The following DSP variants were observed in gnomAD, a reference collection of about 807,000 sequenced individuals.
DSP encodes the protein 250/210 kDa paraneoplastic pemphigus antigen.
DSP carries 114 observed loss-of-function variants against 290.6 expected under a neutral mutation model. That is an observed-to-expected ratio of 0.39 (90% CI 0.34 to 0.46). The LOEUF is 0.46. Among genes scored for constraint, DSP ranks in the 20% least tolerant of loss-of-function variants. DSP has a pLI of 0.99. For missense variants in DSP, 3,230 were observed against 3,495.8 expected (o/e 0.92, Z 1.92); for synonymous variants, 1,311 against 1,316.4 (o/e 1.00, Z 0.09).
chr6:7,566,529 C>A, intron 8 of DSP, 48 bp downstream of exon 8: 1 of 1,472,068 alleles, frequency 6.8e-7, no homozygotes, highest in Non-Finnish European at 9.4e-7. Context: ...AAAAACTTTT[C>A]ATAAAGTAAG....
intron 20 of DSP, among the ~76,000 whole-genome samples, chr6:7,577,323 G>A (rs1759269988): frequency 7.6e-6 from 1 of 131,370 alleles, no homozygotes; most frequent in Admixed American, 7.8e-5. Flanking sequence ...TAATAATGGT[G>A]TTTGTTTGTT....
In DSP at chr6:7,581,444, C is replaced by A; in HGVS notation, c.5254C>A (p.Leu1752Ile). The A allele has an allele frequency of 6.2e-7, 1 of 1,612,808 alleles. No homozygotes were observed. Among genetic ancestry groups the A allele is most frequent in the Non-Finnish European group, 8.5e-7 (1 of 1,179,484 alleles). The part of the protein sequence containing the change: ...DSDKNATILE[L>I]RSQLQISNNR... Reference sequence around the variant, plus strand: ...TGATAAAAATGCAACCATCTTGGAACTAAGGAGCCAGCTGCAGATCAGCAA... The same window carrying A: ...TGATAAAAATGCAACCATCTTGGAAATAAGGAGCCAGCTGCAGATCAGCAA... Residue 1752 changes from leucine (L) to isoleucine (I), a missense_variant, in exon 23 of 24, where the codon CTA becomes ATA. Physicochemically the swap from Leu to Ile is conservative, Grantham distance 5 (BLOSUM62 2). Coordinates refer to ENST00000379802, the MANE Select transcript of DSP (RefSeq NM_004415.4).
chr6:7,543,727 A>G (rs1402051206), intron 1 of DSP, among the ~76,000 whole-genome samples: 1 of 152,152 alleles, frequency 6.6e-6, no homozygotes, highest in African/African-American at 2.4e-5. Context: ...TATTTTGATT[A>G]TTATTTATAA....
At chr6:7,559,797 T>TG (rs1758624596) in intron 4 of DSP, among the ~76,000 whole-genome samples, 1 of 152,206 alleles carries the variant, frequency 6.6e-6, no homozygotes, top group East Asian at 1.9e-4. Flanking sequence ...CATAGGTACT[T>TG]GAAAAAAAGC....
intron 1 of DSP, among the ~76,000 whole-genome samples, chr6:7,554,125 A>ACACACACACACACACACACACCCC (rs772041102): frequency 9.7e-5 from 14 of 144,504 alleles, no homozygotes; most frequent in African/African-American, 2.4e-4. Context: ...ACACACACAC[A>ACACACACACACACACACACACCCC]CCCAGTTGGT....
chr6:7,564,428 C>G (rs1334052642), intron 6 of DSP, among the ~76,000 whole-genome samples: 1 of 152,114 alleles, frequency 6.6e-6, no homozygotes, highest in African/African-American at 2.4e-5. Flanking sequence ...TAATGTCACT[C>G]GTGGTGACAC....
Position 7,570,450 on chromosome 6 carries a change from T to C in DSP, c.1588T>C (p.Tyr530His). Reference protein sequence around the residue: ...VDLSCKIEQYYEAILALWNQL... With the variant: ...VDLSCKIEQYHEAILALWNQL... ...TGTGCCTCTTAGGATTGAGCAGTAC[T>C]ACGAAGCCATCTTGGCTCTGTGGAA... is the stretch of plus-strand genomic sequence containing the variant. Residue 530 changes from tyrosine to histidine, a missense_variant, in exon 13 of 24, where the codon TAC becomes CAC. Physicochemically the swap from Tyr to His is moderately conservative, Grantham distance 83. Transcript: ENST00000379802. 6.2e-7 allele frequency: 1 copy of C among 1,614,160 alleles called. No individual in the cohort carries two copies. Among genetic ancestry groups the C allele is most frequent in the South Asian group, 1.1e-5 (1 of 91,074 alleles).
Position 7,576,331 on chromosome 6 carries a change from A to C in DSP, c.2668A>C (p.Asn890His). 1 of 1,614,116 alleles carries C rather than the reference A, an allele frequency of 6.2e-7. No individual in the cohort carries two copies. Among genetic ancestry groups the C allele is most frequent in the African/African-American group, 1.3e-5 (1 of 75,038 alleles). ...DLEKQIKQLR[N>H]YRDNYQAFCK... ...GGAGAAACAAATCAAGCAATTGAGG[A>C]ATTATCGTGATAACTATCAGGCTTT... Residue 890 changes from asparagine (N) to histidine (H), a missense_variant, in exon 19 of 24, where the codon AAT becomes CAT. By Grantham distance (68) the Asn-to-His change is moderately conservative. Transcript: ENST00000379802.
intron 4 of DSP, 60 bp downstream of exon 4, chr6:7,559,460 T>A (rs1167556749): frequency 2.1e-5 from 33 of 1,603,728 alleles, no homozygotes; most frequent in African/African-American, 5.4e-5. Context: ...CACGATGGGG[T>A]CAGCCCATGT....
In DSP at chr6:7,581,308, G is replaced by A. The variant is rs747132423; in HGVS notation, c.5118G>A (p.Leu1706=). Residue 1706 remains leucine, a synonymous_variant, in exon 23 of 24, where the codon CTG becomes CTA. Coordinates refer to ENST00000379802, the MANE Select transcript of DSP (RefSeq NM_004415.4). ...AAAGCAAAATAGAAATTGAGAGGCT[G>A]CAGTCTCTCACAGAGAACCTGACCA... ...LNESKIEIER[L]QSLTENLTKE... is the part of the protein sequence containing the mutation. 1.2e-6 allele frequency: 2 copies of A among 1,614,062 alleles called. No homozygotes were observed. The highest frequency in any genetic ancestry group is 4.5e-5 in the East Asian group (2 of 44,904).
intron 1 of DSP, among the ~76,000 whole-genome samples, chr6:7,543,004 C>G (rs986152595): frequency 6.6e-6 from 1 of 152,018 alleles, no homozygotes; most frequent in Non-Finnish European, 1.5e-5. Flanking sequence ...GAAGACCCCC[C>G]GGTGAGAGGG....
chr6:7,549,966 A>C (rs1468736943), intron 1 of DSP, among the ~76,000 whole-genome samples: 1 of 152,114 alleles, frequency 6.6e-6, no homozygotes, highest in East Asian at 1.9e-4. Context: ...CCTCTTTGAA[A>C]TATTTGTCTT....
At chr6:7,545,739 T>C (rs1265128674) in intron 1 of DSP, among the ~76,000 whole-genome samples, 1 of 152,202 alleles carries the variant, frequency 6.6e-6, no homozygotes, top group Non-Finnish European at 1.5e-5. Context: ...AGAACATCTG[T>C]CGTGGGGGCA....
In DSP at chr6:7,583,210, G is replaced by A. The variant is rs777886830; in HGVS notation, c.5948G>A (p.Cys1983Tyr). The change falls in exon 24 of 24, where the codon TGT becomes TAT. Residue 1983 changes from cysteine (C) to tyrosine (Y), a missense_variant. Coordinates refer to ENST00000379802, the MANE Select transcript of DSP (RefSeq NM_004415.4). This position sits in a 1 kb window ranked among gnomAD's most constrained non-coding sequence, Gnocchi z 4.0. Reference protein sequence around the residue: ...KKVTAMQLYECQLIDKTTLDK... With the variant: ...KKVTAMQLYEYQLIDKTTLDK... ...GTGACAGCAATGCAGCTCTATGAGT[G>A]TCAGCTGATCGACAAAACAACCTTG... is the stretch of plus-strand genomic sequence containing the variant. 6.2e-7 allele frequency: 1 copy of A among 1,614,184 alleles called. No individual in the cohort carries two copies. Among genetic ancestry groups the A allele is most frequent in the Non-Finnish European group, 8.5e-7 (1 of 1,180,048 alleles).
chr6:7,579,246 T>C lies in DSP; in HGVS notation c.3085-29T>C, dbSNP rs1310191402. On this transcript the variant is annotated intron_variant, in intron 22 of 23. Transcript: ENST00000379802. The surrounding 1 kb of genome is among the most constrained non-coding windows in gnomAD (Gnocchi z 4.1). Reference sequence around the variant, plus strand: ...TCTTGGAATGTGAGGTGTTTTTCTTTTGACATAATCTCTGATTTCATTCCA... The same window carrying C: ...TCTTGGAATGTGAGGTGTTTTTCTTCTGACATAATCTCTGATTTCATTCCA... 4 of 1,613,120 alleles carry C rather than the reference T, an allele frequency of 2.5e-6. No homozygotes were observed. The highest frequency in any genetic ancestry group is 3.4e-6 in the Non-Finnish European group (4 of 1,179,544).
rs764290255 is a variant in DSP at position 7,574,108 on chromosome 6, C to T, written c.2153C>T (p.Ala718Val). The change falls in exon 16 of 24, where the codon GCA becomes GTA. Residue 718 changes from alanine (A) to valine (V), a missense_variant. Ala to Val is a moderately conservative substitution (Grantham distance 64). Coordinates refer to ENST00000379802, the MANE Select transcript of DSP (RefSeq NM_004415.4). ...CAGAGTGTGCAGAATGATTCACAAG[C>T]AATTGCTGAGGTTCTCAACCAGCTT... ...ELKSVQNDSQ[A>V]IAEVLNQLKD... is the part of the protein sequence containing the mutation. 3.7e-6 allele frequency: 6 copies of T among 1,614,092 alleles called. No individual in the cohort carries two copies. The highest frequency in any genetic ancestry group is 5.1e-6 in the Non-Finnish European group (6 of 1,179,988).
intron 1 of DSP, among the ~76,000 whole-genome samples, chr6:7,547,668 C>A (rs1347664992): frequency 6.6e-6 from 1 of 151,532 alleles, no homozygotes; most frequent in African/African-American, 2.4e-5. Flanking sequence ...AACTCCTGGG[C>A]TCAAGTGATC....
In DSP at chr6:7,585,197, C is replaced by T; in HGVS notation, c.7935C>T (p.Ile2645=). The part of the protein sequence containing the change: ...EGIERGIVDS[I]TGQRLLEAQA... ...TAGAGCGGGGCATCGTTGACAGCAT[C>T]ACGGGTCAGAGGCTTCTGGAGGCTC... The change falls in exon 24 of 24, where the codon ATC becomes ATT. Residue 2645 remains isoleucine, a synonymous_variant. Coordinates refer to ENST00000379802, the MANE Select transcript of DSP (RefSeq NM_004415.4). 2 of 1,614,168 alleles carry T rather than the reference C, an allele frequency of 1.2e-6. No individual in the cohort carries two copies. The highest frequency in any genetic ancestry group is 1.7e-6 in the Non-Finnish European group (2 of 1,180,044).
intron 1 of DSP, among the ~76,000 whole-genome samples, chr6:7,551,061 G>C (rs1351653196): frequency 6.6e-6 from 1 of 151,896 alleles, no homozygotes; most frequent in African/African-American, 2.4e-5. Flanking sequence ...TGCACTATAT[G>C]AATTAAATTT....
Sources: gnomAD v4.1 joint callset for allele counts (sites outside exome capture counted in the v4.1 genomes callset) on GRCh38, gnomAD v4.1.1 for gene constraint, Gnocchi (gnomAD v3.1) non-coding constraint, MANE v1.5 for transcripts, NCBI Gene and HGNC (gene_info 2026-07-23, HGNC 2026-07-21) for gene names.